Variants in GLIS3 observed in about 807,000 individuals in gnomAD.
The protein encoded by GLIS3 is zinc finger protein GLIS3.
A neutral mutation model predicts 78.6 loss-of-function variants in GLIS3; 53 were observed. The observed-to-expected ratio is 0.67, with a 90% confidence interval of 0.54 to 0.85. The LOEUF (loss-of-function observed/expected upper bound fraction) is 0.85, where lower values mean the gene tolerates loss of function less well. Ranked by LOEUF, GLIS3 falls within the 40% of genes least tolerant of loss-of-function variation. The pLI, the probability that GLIS3 is intolerant of heterozygous loss-of-function variation, is 0.00. For missense variants in GLIS3, 1,703 were observed against 1,231.1 expected, an observed-to-expected ratio of 1.38 and a Z score of -5.74; for synonymous variants, 684 against 509.9, an observed-to-expected ratio of 1.34 and a Z score of -4.60.
chr9:4,216,288 T>C (rs1963157), intron 2 of GLIS3, among the ~76,000 whole-genome samples: 34,092 of 151,442 alleles, frequency 0.23, 5,057 homozygotes, highest in South Asian at 0.53. Context: ...CTGGCTAACA[T>C]GGTGAAACCC....
chr9:4,182,238 C>T (rs10814862), intron 2 of GLIS3, among the ~76,000 whole-genome samples: 91,746 of 152,022 alleles, frequency 0.6, 27,934 homozygotes, highest in South Asian at 0.73. Flanking sequence ...TTTAACTGAG[C>T]AGTAGTGTGT....
chr9:4,244,942 C>T (rs1823661305), intron 2 of GLIS3, among the ~76,000 whole-genome samples: 1 of 152,156 alleles, frequency 6.6e-6, no homozygotes, highest in South Asian at 2.1e-4. Flanking sequence ...TTTAAGTTCT[C>T]ATTCTACGTT....
chr9:4,034,959 C>G (rs1001981173), intron 4 of GLIS3: 1 of 152,130 alleles, frequency 6.6e-6, no homozygotes, highest in Non-Finnish European at 1.5e-5. Flanking sequence ...GGGTGCCTGA[C>G]TTCACCACAC....
chr9:4,131,593 A>G (rs1366503803), intron 2 of GLIS3, among the ~76,000 whole-genome samples: 1 of 152,144 alleles, frequency 6.6e-6, no homozygotes, highest in Non-Finnish European at 1.5e-5. Flanking sequence ...CCAGCCATGT[A>G]AGATGTGACT....
the GLIS3 span, among the ~76,000 whole-genome samples, chr9:4,408,395 G>A: frequency 3.4e-4 from 52 of 150,834 alleles, no homozygotes; most frequent in African/African-American, 6.6e-4. Flanking sequence ...TACCTGGGGC[G>A]GTAGGGAGGA....
chr9:3,987,230 A>C (rs1184321901), intron 4 of GLIS3, among the ~76,000 whole-genome samples: 2 of 152,144 alleles, frequency 1.3e-5, no homozygotes, highest in Non-Finnish European at 2.9e-5. Flanking sequence ...AGAGGACAAA[A>C]TTAGTGGACT....
intron 4 of GLIS3, among the ~76,000 whole-genome samples, chr9:4,115,695 G>A (rs769712207): frequency 6.6e-6 from 1 of 152,104 alleles, no homozygotes; most frequent in Non-Finnish European, 1.5e-5. Flanking sequence ...TAATATGTAT[G>A]TTTTAGAAGA....
chr9:4,211,165 C>A (rs1212990886), intron 2 of GLIS3, among the ~76,000 whole-genome samples: 2 of 152,250 alleles, frequency 1.3e-5, no homozygotes, highest in African/African-American at 2.4e-5. Flanking sequence ...CAGTAATAAC[C>A]TGTTTGCTGG....
At chr9:4,057,524 T>A (rs1826244801) in intron 4 of GLIS3, among the ~76,000 whole-genome samples, 1 of 151,950 alleles carries the variant, frequency 6.6e-6, no homozygotes, top group Non-Finnish European at 1.5e-5. Flanking sequence ...TGGAAAAAGC[T>A]TGAGTTCAGC....
chr9:4,416,254 A>ATTTT, the GLIS3 span, among the ~76,000 whole-genome samples: 7 of 57,060 alleles, frequency 1.2e-4, no homozygotes, highest in African/African-American at 4.2e-4. Flanking sequence ...ACTGTTTTTA[A>ATTTT]AAAAAAAAAA....
intron 4 of GLIS3, among the ~76,000 whole-genome samples, chr9:4,090,814 T>C (rs1829435583): frequency 6.6e-6 from 1 of 152,190 alleles, no homozygotes; most frequent in Non-Finnish European, 1.5e-5. Context: ...ACTGCTGAGG[T>C]TGTGACTATT....
At chr9:4,248,988 A>G (rs538496525) in intron 2 of GLIS3, among the ~76,000 whole-genome samples, 165 of 152,204 alleles carry the variant, frequency 1.1e-3, no homozygotes, top group African/African-American at 3.8e-3. Flanking sequence ...ATTAGTCTAT[A>G]TATCTATTTT....
chr9:4,385,119 C>A, the GLIS3 span, among the ~76,000 whole-genome samples: 1 of 152,208 alleles, frequency 6.6e-6, no homozygotes, highest in African/African-American at 2.4e-5. Context: ...CTCCTCAGAA[C>A]AGTTTACTGT....
chr9:4,181,321 C>G (rs1817306407), intron 2 of GLIS3, among the ~76,000 whole-genome samples: 1 of 152,222 alleles, frequency 6.6e-6, no homozygotes, highest in African/African-American at 2.4e-5. Flanking sequence ...CAGGAACCAT[C>G]CTCAGACCCA....
chr9:4,075,072 C>G (rs1393057937), intron 4 of GLIS3, among the ~76,000 whole-genome samples: 1 of 117,428 alleles, frequency 8.5e-6, no homozygotes, highest in Non-Finnish European at 1.6e-5. Flanking sequence ...TGGAATTGAG[C>G]CTTTAAAAGA....
At chr9:3,866,296 G>C (rs192927377) in intron 8 of GLIS3, among the ~76,000 whole-genome samples, 1 of 152,054 alleles carries the variant, frequency 6.6e-6, no homozygotes, top group Non-Finnish European at 1.5e-5. Context: ...TTCAGGGAGC[G>C]AGAAGTCAAT....
At chr9:4,264,759 T>A (rs527810733) in intron 2 of GLIS3, among the ~76,000 whole-genome samples, 1 of 152,276 alleles carries the variant, frequency 6.6e-6, no homozygotes, top group African/African-American at 2.4e-5. Flanking sequence ...CCCAAGAAAT[T>A]ACATCATAGG....
At chr9:3,949,327 C>T (rs1040519381) in intron 4 of GLIS3, among the ~76,000 whole-genome samples, 1 of 152,192 alleles carries the variant, frequency 6.6e-6, no homozygotes, top group Non-Finnish European at 1.5e-5. Flanking sequence ...ATGTTCTTGG[C>T]ATGATCTTCC....
intron 4 of GLIS3, among the ~76,000 whole-genome samples, chr9:4,096,134 C>T (rs147873580): frequency 2.0e-5 from 3 of 151,418 alleles, no homozygotes; most frequent in Non-Finnish European, 4.4e-5. Flanking sequence ...AATTCATTGA[C>T]CAAAGGATTA....
Sources: allele counts gnomAD v4.1 joint callset (sites outside exome capture counted in the v4.1 genomes callset), GRCh38; gene constraint gnomAD v4.1.1; transcripts MANE v1.5; gene names NCBI Gene and HGNC (gene_info 2026-07-23, HGNC 2026-07-21).